Variants in CALN1 observed in about 807,000 individuals in gnomAD.
CALN1 encodes the protein calcium-binding protein 8.
In CALN1, 17 loss-of-function variants were observed where a neutral mutation model predicts 30.6. The observed-to-expected ratio is 0.56, with a 90% CI of 0.38 to 0.83. The LOEUF is 0.83. CALN1 is among the 40% of genes least tolerant of loss of function. The pLI is 0.00. For missense variants in CALN1, 291 were observed against 354.9 expected (o/e 0.82, Z 1.45); for synonymous variants, 156 against 131.4 (o/e 1.19, Z -1.28).
At chr7:72,051,758 T>G (rs1238634434) in intron 4 of CALN1, among the ~76,000 whole-genome samples, 1 of 152,014 alleles carries the variant, frequency 6.6e-6, no homozygotes, top group Non-Finnish European at 1.5e-5. Flanking sequence ...ACTAGAAAAA[T>G]CAATCCATGT....
intron 3 of CALN1, among the ~76,000 whole-genome samples, chr7:72,170,904 T>C (rs1459645784): frequency 6.6e-6 from 1 of 152,188 alleles, no homozygotes; most frequent in East Asian, 1.9e-4. Context: ...TGCCTGTAAT[T>C]CCAACAATTT....
intron 5 of CALN1, among the ~76,000 whole-genome samples, chr7:71,915,105 T>C (rs1015671122): frequency 6.6e-6 from 1 of 152,190 alleles, no homozygotes; most frequent in Admixed American, 6.5e-5. Context: ...CTGCCCTGGG[T>C]CTCTCCAGGT....
At chr7:71,971,016 C>T (rs1045509372) in intron 5 of CALN1, among the ~76,000 whole-genome samples, 6 of 152,064 alleles carry the variant, frequency 3.9e-5, no homozygotes, top group African/African-American at 1.4e-4. Context: ...GATTATGACA[C>T]TAGGAACCAG....
intron 3 of CALN1, among the ~76,000 whole-genome samples, chr7:72,265,319 T>C (rs970192545): frequency 1.3e-5 from 2 of 152,192 alleles, no homozygotes; most frequent in Non-Finnish European, 2.9e-5. Context: ...GATGCCACTG[T>C]GAAGAGAGAA....
intron 4 of CALN1, among the ~76,000 whole-genome samples, chr7:72,104,538 C>T (rs1464966998): frequency 6.6e-6 from 1 of 152,126 alleles, no homozygotes; most frequent in African/African-American, 2.4e-5. Context: ...CTATTCTTCC[C>T]AATGCTCTCC....
intron 5 of CALN1, among the ~76,000 whole-genome samples, chr7:71,847,284 T>C (rs150834815): frequency 0.022 from 3,396 of 152,130 alleles, 111 homozygotes; most frequent in African/African-American, 0.074. Context: ...TGGGAGATAA[T>C]TGAATCATGG....
At chr7:72,094,372 C>T (rs1270967514) in intron 4 of CALN1, among the ~76,000 whole-genome samples, 2 of 152,088 alleles carry the variant, frequency 1.3e-5, no homozygotes, top group Non-Finnish European at 2.9e-5. Flanking sequence ...CTCCTGCCGC[C>T]ACCTCCCGAG....
the CALN1 span, among the ~76,000 whole-genome samples, chr7:72,472,269 C>T: frequency 6.6e-6 from 1 of 152,272 alleles, no homozygotes; most frequent in East Asian, 1.9e-4. Flanking sequence ...ATTTGCAAGG[C>T]CATACATCCT....
Position 72,195,650 on chromosome 7 carries a change from G to T in CALN1, c.244+83036C>A, listed in dbSNP as rs537422553. On this transcript the variant is annotated intron_variant, in intron 3 of 6. Transcript: ENST00000395275. The stretch of plus-strand genomic sequence containing the variant: ...CCTACTTAGCCTCCCAAAGCACTGG[G>T]ATTACAGGCATGAGCCACTGTGCCC... Among the ~76,000 whole-genome samples the T allele has an allele frequency of 2.0e-5, 3 of 152,134 alleles. No homozygotes were observed. In the East Asian group the frequency reaches 5.8e-4, roughly 29 times the overall value.
intron 4 of CALN1, among the ~76,000 whole-genome samples, chr7:72,038,158 T>C (rs1194144097): frequency 6.6e-6 from 1 of 151,804 alleles, no homozygotes; most frequent in Non-Finnish European, 1.5e-5. Context: ...GATGTTTTTA[T>C]TTAACCGAGT....
At chr7:71,841,331 G>C (rs1233509779) in intron 5 of CALN1, among the ~76,000 whole-genome samples, 1 of 152,128 alleles carries the variant, frequency 6.6e-6, no homozygotes, top group Non-Finnish European at 1.5e-5. Flanking sequence ...CTGTTCATGT[G>C]GCAGGAAGGA....
In CALN1 at chr7:72,103,763, G is replaced by C. The variant is rs192661878; in HGVS notation, c.388+2388C>G. ...AGCTTTGGAGAAGATGGAAATGGAG[G>C]GGGGGGGAAGGAGGCTGAGAGTGAA... On this transcript the variant is annotated intron_variant, in intron 4 of 6. Transcript: ENST00000395275. Among the ~76,000 whole-genome samples, 258 of 152,002 alleles carry C rather than the reference G, an allele frequency of 1.7e-3. 3 individuals carry two copies. The highest frequency in any genetic ancestry group is 0.013 in the Admixed American group (205 of 15,238).
chr7:71,814,851 T>G (rs1294685730), intron 5 of CALN1, among the ~76,000 whole-genome samples: 3 of 138,196 alleles, frequency 2.2e-5, no homozygotes, highest in Non-Finnish European at 4.6e-5. Flanking sequence ...TTTTTTTTTT[T>G]GAGACAAAGT....
At chr7:71,877,647 AC>A (rs201511441) in intron 5 of CALN1, among the ~76,000 whole-genome samples, 112 of 142,798 alleles carry the variant, frequency 7.8e-4, no homozygotes, top group East Asian at 6.7e-3. Flanking sequence ...TAAAAAAAAA[AC>A]GATGGAGAAA....
chr7:72,386,954 G>T (rs911144318), intron 2 of CALN1, among the ~76,000 whole-genome samples: 1 of 151,174 alleles, frequency 6.6e-6, no homozygotes, highest in Non-Finnish European at 1.5e-5. Flanking sequence ...TCATTATTCC[G>T]TCAGCTGAGG....
the CALN1 span, among the ~76,000 whole-genome samples, chr7:72,462,047 C>T: frequency 6.6e-6 from 1 of 151,608 alleles, no homozygotes; most frequent in African/African-American, 2.4e-5. Context: ...CATCACTTTG[C>T]GCTTTGGAGT....
In CALN1 at chr7:71,897,238, G is replaced by A. The variant is rs146995270; in HGVS notation, c.502-86746C>T. Among the ~76,000 whole-genome samples the A allele has an allele frequency of 2.5e-4, 38 of 152,248 alleles. No homozygotes were observed. The East Asian group carries it at 7.1e-3, about 29-fold the overall frequency. Reference sequence around the variant, plus strand: ...TTCGCATTTAATTTTGGTGTTTATTGTTTTTTGTTATTTCAGAAGTATTTT... The same window carrying A: ...TTCGCATTTAATTTTGGTGTTTATTATTTTTTGTTATTTCAGAAGTATTTT... On this transcript the variant is annotated intron_variant, in intron 5 of 6. Coordinates refer to ENST00000395275, the MANE Select transcript of CALN1 (RefSeq NM_031468.4).
At chr7:72,293,217 A>G (rs2129555071) in intron 2 of CALN1, among the ~76,000 whole-genome samples, 1 of 152,316 alleles carries the variant, frequency 6.6e-6, no homozygotes, top group African/African-American at 2.4e-5. Context: ...AGCAGAGATT[A>G]GAGATGGCAG....
At chr7:71,946,289 C>G (rs182963561) in intron 5 of CALN1, among the ~76,000 whole-genome samples, 3 of 151,748 alleles carry the variant, frequency 2.0e-5, no homozygotes, top group Non-Finnish European at 4.4e-5. Flanking sequence ...AAATCTAATT[C>G]TTATAGAAAT....
Sources: allele counts gnomAD v4.1 joint callset (sites outside exome capture counted in the v4.1 genomes callset), GRCh38; gene constraint gnomAD v4.1.1; transcripts MANE v1.5; gene names NCBI Gene and HGNC (gene_info 2026-07-23, HGNC 2026-07-21).